COG6: variants seen among roughly 807,000 people sequenced by gnomAD.
COG6 encodes the protein component of oligomeric golgi complex 6.
A neutral mutation model predicts 88.8 loss-of-function variants in COG6; 74 were observed. The observed-to-expected ratio is 0.83, with a 90% CI of 0.69 to 1.01. The LOEUF is 1.01. Among genes scored for constraint, COG6 ranks in the 50% least tolerant of loss-of-function variants. The pLI is 0.00. For synonymous variants in COG6, 286 were observed against 278.7 expected (o/e 1.03, Z -0.26); for missense variants, 800 against 797.9 (o/e 1.00, Z -0.03).
chr13:39,740,312 C>T (rs1566035121), intron 18 of COG6, among the ~76,000 whole-genome samples: 1 of 152,174 alleles, frequency 6.6e-6, no homozygotes, highest in Non-Finnish European at 1.5e-5. Flanking sequence ...CCTGGTTTAT[C>T]ACATTAACCT....
intron 11 of COG6, among the ~76,000 whole-genome samples, chr13:39,692,181 T>C (rs1347159410): frequency 2.0e-5 from 3 of 152,052 alleles, no homozygotes; most frequent in Non-Finnish European, 4.4e-5. Context: ...ATTGCATATG[T>C]TGTGTAGGGG....
chr13:39,705,033 T>C (rs1877805269), intron 13 of COG6, among the ~76,000 whole-genome samples: 1 of 152,198 alleles, frequency 6.6e-6, no homozygotes, highest in Non-Finnish European at 1.5e-5. Context: ...TCCATAATTT[T>C]ATATTAGTTA....
rs952913189 is a variant in COG6 at position 39,719,261 on chromosome 13, G to A, written c.1310G>A (p.Gly437Glu). The change falls in exon 14 of 19, where the codon GGA (glycine) becomes GAA (glutamate). Residue 437 changes from glycine (G) to glutamate (E), a missense_variant. Transcript: ENST00000455146. ...DKVELPPPDL[G>E]PSSALNQTLM... ...GTTGAACTCCCACCACCTGATCTTG[G>A]ACCAAGTTCTGCACTAAATCAGACA... 3 of 1,612,668 alleles carry A rather than the reference G, an allele frequency of 1.9e-6. No individual in the cohort carries two copies. The highest frequency in any genetic ancestry group is 4.5e-5 in the East Asian group (2 of 44,798).
chr13:39,754,846 A>T (rs1160206232), downstream of COG6, among the ~76,000 whole-genome samples: 3 of 152,222 alleles, frequency 2.0e-5, no homozygotes, highest in African/African-American at 7.2e-5. Context: ...GTGCTTGTGC[A>T]TGTTGGCAAG....
intron 18 of COG6, among the ~76,000 whole-genome samples, chr13:39,742,629 G>A (rs1301395555): frequency 5.3e-5 from 8 of 151,796 alleles, no homozygotes; most frequent in South Asian, 4.1e-4. Context: ...CTACAAAGAG[G>A]CTTAGACTCC....
chr13:39,769,990 G>C (rs192683868), intron 18 of COG6, among the ~76,000 whole-genome samples: 1 of 152,096 alleles, frequency 6.6e-6, no homozygotes, highest in Non-Finnish European at 1.5e-5. Flanking sequence ...TAAGCAGCCC[G>C]AACTAACTAA....
At chr13:39,708,250 A>G (rs2138053302) in intron 13 of COG6, among the ~76,000 whole-genome samples, 1 of 152,318 alleles carries the variant, frequency 6.6e-6, no homozygotes, top group Middle Eastern at 3.4e-3. Context: ...ATTGACTTAT[A>G]AGAGTTTTCA....
intron 18 of COG6, among the ~76,000 whole-genome samples, chr13:39,731,350 G>T (rs1170700091): frequency 7.9e-5 from 12 of 152,144 alleles, no homozygotes; most frequent in Admixed American, 2.0e-4. Flanking sequence ...AGGAAACAAG[G>T]TGGTATAGGA....
intron 1 of COG6, 104 bp from the exon 2 acceptor site, chr13:39,659,260 A>G: frequency 8.8e-7 from 1 of 1,141,538 alleles, no homozygotes; most frequent in Non-Finnish European, 1.3e-6. Context: ...GGATTGGTTA[A>G]TGAAAATAAA....
At chr13:39,661,654 T>C (rs1209604201) in intron 3 of COG6, among the ~76,000 whole-genome samples, 4 of 152,042 alleles carry the variant, frequency 2.6e-5, no homozygotes, top group African/African-American at 9.6e-5. Flanking sequence ...TATCAGATAT[T>C]ATTGGCATGT....
chr13:39,732,325 T>C (rs1879500149), intron 18 of COG6, among the ~76,000 whole-genome samples: 1 of 152,134 alleles, frequency 6.6e-6, no homozygotes, highest in Admixed American at 6.5e-5. Context: ...ACATACATAC[T>C]TAAAGATGAC....
chr13:39,711,111 T>A (rs1003409107), intron 13 of COG6, among the ~76,000 whole-genome samples: 1 of 152,096 alleles, frequency 6.6e-6, no homozygotes, highest in African/African-American at 2.4e-5. Flanking sequence ...CTCCTCCACC[T>A]GTAACATGTA....
chr13:39,658,900 A>G (rs1267367707), intron 1 of COG6, among the ~76,000 whole-genome samples: 2 of 152,234 alleles, frequency 1.3e-5, no homozygotes, highest in African/African-American at 4.8e-5. Context: ...TGTGCACATT[A>G]TATATGTGTC....
At chr13:39,770,622 T>C (rs571567630) in intron 18 of COG6, among the ~76,000 whole-genome samples, 5 of 152,346 alleles carry the variant, frequency 3.3e-5, no homozygotes, top group Non-Finnish European at 5.9e-5. Context: ...CTTTCAGTGC[T>C]ATTTAATTTA....
At chr13:39,733,253 C>T (rs541524247) in intron 18 of COG6, among the ~76,000 whole-genome samples, 37 of 147,676 alleles carry the variant, frequency 2.5e-4, no homozygotes, top group African/African-American at 8.8e-4. Context: ...TGGAGCGGCG[C>T]GATCTTGGCT....
chr13:39,655,676 CGTGGTCCCTGCCTGGCTGAGGTG>C lies in COG6; in HGVS notation c.-49_-27del, dbSNP rs1566165063. On this transcript the variant is annotated 5_prime_UTR_variant, in exon 1 of 19. Coordinates refer to ENST00000455146, the MANE Select transcript of COG6 (RefSeq NM_020751.3). Reference sequence around the variant, plus strand: ...ACATGCGCAATACTCGCGCTGCCTCCGTGGTCCCTGCCTGGCTGAGGTGGCAGCAGGGGGCGGGACGCGCAGCG... The same window carrying C: ...ACATGCGCAATACTCGCGCTGCCTCCGCAGCAGGGGGCGGGACGCGCAGCG... 6.4e-7 allele frequency: 1 copy of C among 1,551,156 alleles called. No individual in the cohort carries two copies. Among genetic ancestry groups the C allele is most frequent in the Non-Finnish European group, 8.7e-7 (1 of 1,146,218 alleles).
intron 18 of COG6, among the ~76,000 whole-genome samples, chr13:39,735,008 AT>A (rs1182307672): frequency 1.3e-5 from 2 of 150,446 alleles, no homozygotes; most frequent in East Asian, 2.0e-4. Flanking sequence ...TAGATGAAGT[AT>A]TTTTTTTGTA....
chr13:39,666,851 T>C (rs1437434763), intron 4 of COG6, among the ~76,000 whole-genome samples: 2 of 152,204 alleles, frequency 1.3e-5, no homozygotes, highest in Non-Finnish European at 2.9e-5. Flanking sequence ...TATGTACCAA[T>C]ATCATCTAAA....
intron 18 of COG6, among the ~76,000 whole-genome samples, chr13:39,742,088 G>A (rs981211624): frequency 6.6e-6 from 1 of 152,058 alleles, no homozygotes; most frequent in Non-Finnish European, 1.5e-5. Flanking sequence ...TGCCTTATAA[G>A]AGCTCCTGAA....
Sources: gnomAD v4.1 joint callset for allele counts (sites outside exome capture counted in the v4.1 genomes callset) on GRCh38, gnomAD v4.1.1 for gene constraint, MANE v1.5 for transcripts, NCBI Gene and HGNC (gene_info 2026-07-23, HGNC 2026-07-21) for gene names.